KLHL8: variants seen among roughly 807,000 people sequenced by gnomAD.
KLHL8 encodes the protein kelch-like protein 8.
In KLHL8, 38 loss-of-function variants were observed where a neutral mutation model predicts 63.5. The observed-to-expected ratio is 0.60, with a 90% CI of 0.46 to 0.78. The LOEUF is 0.78. Among genes scored for constraint, KLHL8 ranks in the 30% least tolerant of loss-of-function variants. KLHL8 has a pLI of 0.00. For missense variants in KLHL8, 566 were observed against 752.4 expected (o/e 0.75, Z 2.90); for synonymous variants, 224 against 254.3 (o/e 0.88, Z 1.13).
rs1385529856 is a variant in KLHL8 at position 87,184,096 on chromosome 4, C to G, written c.766-707G>C. ...CCCCAACTGCAAGACTTCGTTGCAG[C>G]AGTCCCTGTATCTATTGTTATGGCC... On this transcript the variant is annotated intron_variant, in intron 3 of 9. Coordinates refer to ENST00000273963, the MANE Select transcript of KLHL8 (RefSeq NM_020803.5). Among the ~76,000 whole-genome samples, 4 of 152,182 alleles carry G rather than the reference C, an allele frequency of 2.6e-5. 1 individual carries two copies. The highest frequency in any genetic ancestry group is 2.6e-4 in the Admixed American group (4 of 15,276).
intron 2 of KLHL8, among the ~76,000 whole-genome samples, chr4:87,190,107 A>AGGAAAATT (rs1468651530): frequency 1.3e-5 from 2 of 151,998 alleles, no homozygotes; most frequent in African/African-American, 2.4e-5. Context: ...TTATATATAC[A>AGGAAAATT]GGAAAATTTT....
At position 87,195,485 on chromosome 4, in the gene KLHL8, T is replaced by C. The variant is rs140096013; in HGVS notation, c.55A>G (p.Lys19Glu). The change falls in exon 2 of 10, where the codon AAA becomes GAA. Residue 19 changes from lysine (K) to glutamate (E), a missense_variant. Transcript: ENST00000273963. The stretch of plus-strand genomic sequence containing the variant: ...ATTTGCTGGTGCTGTTGTTGCCTTT[T>C]CCCCTTTGTAATGTGATTCCTAGCT... ...KQARNHITKG[K>E]RQQQHQQIKN... The C allele has an allele frequency of 9.2e-4, 1,480 of 1,613,896 alleles. 3 individuals are homozygous for C. The highest frequency in any genetic ancestry group is 2.0e-3 in the Middle Eastern group (12 of 5,934).
chr4:87,170,557 C>T lies in KLHL8; in HGVS notation c.1267G>A (p.Asp423Asn). 1.2e-6 allele frequency: 2 copies of T among 1,614,020 alleles called. No homozygotes were observed. Among genetic ancestry groups the T allele is most frequent in the Non-Finnish European group, 1.7e-6 (2 of 1,179,930 alleles). Residue 423 changes from aspartate (D) to asparagine (N), a missense_variant, in exon 7 of 10, where the codon GAC (aspartate) becomes AAC (asparagine). Transcript: ENST00000273963. ...TCCACATCATTGAAGCAAGTATTGT[C>T]ATCTAACCCTCCAATTGCATAAATT... ...GPIYAIGGLD[D>N]NTCFNDVERY...
At chr4:87,170,045 T>C (rs371136524) in intron 8 of KLHL8, 34 bp downstream of exon 8, 4 of 1,546,048 alleles carry the variant, frequency 2.6e-6, no homozygotes, top group African/African-American at 2.7e-5. Context: ...TCATTGTATA[T>C]ACTGATATAT....
intron 1 of KLHL8, among the ~76,000 whole-genome samples, chr4:87,236,536 A>C (rs1733232843): frequency 6.6e-6 from 1 of 151,974 alleles, no homozygotes; most frequent in African/African-American, 2.4e-5. Context: ...AGACACCTTA[A>C]GGGAGGCAAC....
At chr4:87,173,882 A>G (rs981207082) in intron 6 of KLHL8, among the ~76,000 whole-genome samples, 1 of 136,744 alleles carries the variant, frequency 7.3e-6, no homozygotes, top group South Asian at 2.6e-4. Context: ...ACAGTGGGAG[A>G]TAACAGTTTA....
In KLHL8 at chr4:87,162,632, C is replaced by CA. The variant is rs1730216937; in HGVS notation, c.*886dup. ...ATAGAGAGATGATAAATCTTGGATC[C>CA]AAAATCAAATGATCAAAGAAGACAG... is the stretch of plus-strand genomic sequence containing the variant. On this transcript the variant is annotated 3_prime_UTR_variant, in exon 10 of 10. Transcript: ENST00000273963. 1 of 152,088 alleles carries CA rather than the reference C, an allele frequency of 6.6e-6. No individual in the cohort carries two copies. 9.4% of individuals were successfully genotyped at this position (152,088 alleles called of 1,614,324 possible). A position where few individuals can be genotyped will look rare whatever the true frequency, so the allele number is the denominator to read the frequency against.
Position 87,161,665 on chromosome 4 carries a change from T to C in KLHL8, c.*1854A>G, listed in dbSNP as rs1446578235. The stretch of plus-strand genomic sequence containing the variant: ...AAACACTGTAATATAAGAACTCCAT[T>C]AGACATAAGAAATAGACATTGAAGC... On this transcript the variant is annotated 3_prime_UTR_variant, in exon 10 of 10. Transcript: ENST00000273963. The C allele has an allele frequency of 6.6e-6, 1 of 152,190 alleles. No homozygotes were observed. The highest frequency in any genetic ancestry group is 1.9e-4 in the East Asian group (1 of 5,194). The allele number at this position is 152,190 out of a possible 1,614,324, so 9.4% of individuals were successfully genotyped here. A position where few individuals can be genotyped will look rare whatever the true frequency, so the allele number is the denominator to read the frequency against.
At chr4:87,165,291 T>C (rs905665088) in intron 8 of KLHL8, among the ~76,000 whole-genome samples, 5 of 152,118 alleles carry the variant, frequency 3.3e-5, no homozygotes, top group Non-Finnish European at 5.9e-5. Flanking sequence ...AAATGTATAG[T>C]GTCATTACCA....
In KLHL8 at chr4:87,214,256, A is replaced by G. The variant is rs535665269; in HGVS notation, c.-152+6162T>C. The stretch of plus-strand genomic sequence containing the variant: ...CAGCAAGCATTAATTGGGTGCTTCT[A>G]TCTACTTATTAGTTGTATATTCATT... On this transcript the variant is annotated intron_variant, in intron 1 of 9. Coordinates refer to ENST00000273963, the MANE Select transcript of KLHL8 (RefSeq NM_020803.5). Among the ~76,000 whole-genome samples, 4 of 150,910 alleles carry G rather than the reference A, an allele frequency of 2.7e-5. No homozygotes were observed. In the East Asian group the frequency reaches 5.8e-4, roughly 22 times the overall value.
rs140341251 is a variant in KLHL8, at chr4:87,164,025, C to T, written c.1592G>A (p.Ser531Asn). 40 of 1,614,150 alleles carry T rather than the reference C, an allele frequency of 2.5e-5. No homozygotes were observed. The African/African-American group carries it at 4.5e-4, about 18-fold the overall frequency. Reference sequence around the variant, plus strand: ...TGCTGCCACATAATCCCACTTGTTGCTTCGGGGGTCATACCGCTCAACTGA... The same window carrying T: ...TGCTGCCACATAATCCCACTTGTTGTTTCGGGGGTCATACCGCTCAACTGA... ...LSSVERYDPR[S>N]NKWDYVAALT... Residue 531 changes from serine to asparagine, a missense_variant, in exon 9 of 10, where the codon AGC (serine) becomes AAC (asparagine). By Grantham distance (46) the Ser-to-Asn change is conservative (BLOSUM62 1). Transcript: ENST00000273963.
Position 87,170,199 on chromosome 4 carries a change from A to C in KLHL8, c.1417T>G (p.Ser473Ala). ...TCATATCTCTCCACGCTAGATAAAG[A>C]AGCCATTCCATCATTGCCACCTACT... ...YAVGGNDGMASLSSVERYDPH... is the reference protein window; with the variant it reads ...YAVGGNDGMAALSSVERYDPH... Residue 473 changes from serine (S) to alanine (A), a missense_variant, in exon 8 of 10, where the codon TCT becomes GCT. By Grantham distance (99) the Ser-to-Ala change is moderately conservative (BLOSUM62 1). Transcript: ENST00000273963. 6.2e-7 allele frequency: 1 copy of C among 1,613,882 alleles called. No individual in the cohort carries two copies. Among genetic ancestry groups the C allele is most frequent in the Non-Finnish European group, 8.5e-7 (1 of 1,179,896 alleles).
intron 8 of KLHL8, among the ~76,000 whole-genome samples, chr4:87,164,903 C>T (rs960004676): frequency 2.0e-5 from 3 of 152,002 alleles, no homozygotes; most frequent in Non-Finnish European, 4.4e-5. Context: ...AATCCCAGCA[C>T]TTTGGGAGGC....
chr4:87,207,922 C>G, intron 1 of KLHL8: 1 of 1,217,532 alleles, frequency 8.2e-7, no homozygotes, highest in Non-Finnish European at 1.2e-6. Flanking sequence ...CACTGAGCAC[C>G]AGGCTGTCTC....
intron 1 of KLHL8, among the ~76,000 whole-genome samples, chr4:87,199,769 G>C (rs1196048047): frequency 6.6e-6 from 1 of 151,948 alleles, no homozygotes; most frequent in Non-Finnish European, 1.5e-5. Context: ...AAGGTAGGAG[G>C]ATCACTTGAG....
intron 1 of KLHL8, among the ~76,000 whole-genome samples, chr4:87,232,941 C>T (rs956324244): frequency 6.6e-6 from 1 of 151,562 alleles, no homozygotes; most frequent in Non-Finnish European, 1.5e-5. Context: ...GAGTAGTAAT[C>T]TTCTGTACAT....
intron 1 of KLHL8, among the ~76,000 whole-genome samples, chr4:87,202,939 T>C (rs924155871): frequency 8.6e-5 from 13 of 151,744 alleles, no homozygotes; most frequent in Non-Finnish European, 1.5e-5. Flanking sequence ...TCCAGCAAAA[T>C]ATAGAGAATG....
intron 3 of KLHL8, among the ~76,000 whole-genome samples, 169 bp from the exon 4 acceptor site, chr4:87,183,558 G>A (rs140001733): frequency 6.6e-6 from 1 of 152,142 alleles, no homozygotes; most frequent in Non-Finnish European, 1.5e-5. Context: ...AATGTAACAT[G>A]TTCATGATTT....
intron 8 of KLHL8, among the ~76,000 whole-genome samples, chr4:87,168,540 T>G (rs1560689967): frequency 6.6e-6 from 1 of 152,000 alleles, no homozygotes; most frequent in Non-Finnish European, 1.5e-5. Context: ...AGGGTTATCC[T>G]GAGTTGGGGT....
Sources: allele counts gnomAD v4.1 joint callset (sites outside exome capture counted in the v4.1 genomes callset), GRCh38; gene constraint gnomAD v4.1.1; transcripts MANE v1.5; gene names NCBI Gene and HGNC (gene_info 2026-07-23, HGNC 2026-07-21).